Variants in RRP7A observed in about 807,000 individuals in gnomAD.
The protein encoded by RRP7A is ribosomal RNA processing 7 homolog A, also known as ribosomal RNA-processing protein 7 homolog A.
A neutral mutation model predicts 38.4 loss-of-function variants in RRP7A; 27 were observed. The ratio of observed to expected loss-of-function variants is 0.70; its 90% CI spans 0.52 to 0.97. The LOEUF (loss-of-function observed/expected upper bound fraction) is 0.97. Among genes scored for constraint, RRP7A ranks in the 50% least tolerant of loss-of-function variants. The probability of loss-of-function intolerance (pLI) is 0.00; values close to 1 mark genes in which losing one functional copy is unlikely to be tolerated. For synonymous variants in RRP7A, 124 were observed against 150.3 expected, an observed-to-expected ratio of 0.83 and a Z score of 1.28; for missense variants, 327 against 375.4, an observed-to-expected ratio of 0.87 and a Z score of 1.07.
At position 42,518,842 on chromosome 22, in the gene RRP7A, A is replaced by C. The variant is rs561004732; in HGVS notation, c.74-695T>G. 1.1e-4 allele frequency: 50 copies of C among 455,036 alleles called. No homozygotes were observed. In the East Asian group the frequency reaches 2.3e-3, roughly 21 times the overall value. 28.2% of individuals were successfully genotyped at this position (455,036 alleles called of 1,614,324 possible). On this transcript the variant is annotated intron_variant, in intron 1 of 6. Coordinates refer to ENST00000323013, the MANE Select transcript of RRP7A (RefSeq NM_015703.5). ...CCTCCGTCACAGTACCGGTTGGCGTAGAGCTGCGGTCCCTGAACTCAGGAA... is the reference window on the plus strand; with the variant it reads ...CCTCCGTCACAGTACCGGTTGGCGTCGAGCTGCGGTCCCTGAACTCAGGAA...
rs1396684777 is a variant in RRP7A at position 42,508,346 on chromosome 22, C to A, written c.*4564G>T. Among the ~76,000 whole-genome samples the A allele has an allele frequency of 2.1e-5, 3 of 145,304 alleles. No individual in the cohort carries two copies. Among genetic ancestry groups the A allele is most frequent in the Non-Finnish European group, 4.5e-5 (3 of 66,112 alleles). ...AAAAAAAAAAAAGGTTCTATAAATT[C>A]TTCTCATATTTTTATTTAACATCCA... is the stretch of plus-strand genomic sequence containing the variant. On this transcript the variant is annotated 3_prime_UTR_variant, in exon 7 of 7. Transcript: ENST00000323013.
chr22:42,508,750 C>G lies in RRP7A; in HGVS notation c.*4160G>C, dbSNP rs543459881. Among the ~76,000 whole-genome samples the G allele has an allele frequency of 2.0e-5, 3 of 152,362 alleles. No homozygotes were observed. The highest frequency in any genetic ancestry group is 4.4e-5 in the Non-Finnish European group (3 of 68,028). ...CACTTCTCTGACTTTAATCACACAG[C>G]CATACCTGGTGGCAAAGGAGTATTG... On this transcript the variant is annotated 3_prime_UTR_variant, in exon 7 of 7. Coordinates refer to ENST00000323013, the MANE Select transcript of RRP7A (RefSeq NM_015703.5).
chr22:42,518,011 G>A lies in RRP7A; in HGVS notation c.210C>T (p.Cys70=). 1 of 1,612,722 alleles carries A rather than the reference G, an allele frequency of 6.2e-7. No individual in the cohort carries two copies. Among genetic ancestry groups the A allele is most frequent in the Non-Finnish European group, 8.5e-7 (1 of 1,179,326 alleles). ...CAGACAGACACTAGCTCACCTCTGT[G>A]CAGTATGGGGGCACATTGAGGACAA... ...TLFVLNVPPY[C]TEESLSRLLS... The change falls in exon 2 of 7, where the codon TGC becomes TGT. Residue 70 remains cysteine (C), a synonymous_variant. Coordinates refer to ENST00000323013, the MANE Select transcript of RRP7A (RefSeq NM_015703.5).
intron 2 of RRP7A, 65 bp downstream of exon 2, chr22:42,517,940 G>C: frequency 1.3e-6 from 2 of 1,565,366 alleles, no homozygotes; most frequent in Non-Finnish European, 1.7e-6. Flanking sequence ...CCAAGGACTT[G>C]GTGGAGGCCA....
At position 42,519,689 on chromosome 22, in the gene RRP7A, G is replaced by A. The variant is rs761305966; in HGVS notation, c.73+25C>T. ...CTCCCGGCGATGCCTGACCGCCCCC[G>A]GTCTCGCGTCCCGGAGCCCCTCACC... On this transcript the variant is annotated intron_variant, in intron 1 of 6. Transcript: ENST00000323013. 37 of 1,440,368 alleles carry A rather than the reference G, an allele frequency of 2.6e-5. No homozygotes were observed. The African/African-American group carries it at 4.6e-4, about 18-fold the overall frequency. 89.2% of individuals were successfully genotyped at this position (1,440,368 alleles called of 1,614,324 possible).
At position 42,516,053 on chromosome 22, in the gene RRP7A, T is replaced by C. The variant is rs757397232; in HGVS notation, c.300A>G (p.Pro100=). The change falls in exon 3 of 7, where the codon CCA becomes CCG. Residue 100 remains proline (P), a synonymous_variant. Transcript: ENST00000323013. The part of the protein sequence containing the change: ...LQEKPDLAES[P]KESRSKFFHP... ...GAAAAAACTTCGACCTTGACTCCTT[T>C]GGGCTCTCAGCCAGGTCCGGCTTCT... The C allele has an allele frequency of 2.5e-6, 4 of 1,612,290 alleles. No individual in the cohort carries two copies. The highest frequency in any genetic ancestry group is 3.4e-6 in the Non-Finnish European group (4 of 1,179,004).
rs528149369 is a variant in RRP7A, at chr22:42,517,864, T to C, written c.216+141A>G. On this transcript the variant is annotated intron_variant, in intron 2 of 6. Transcript: ENST00000323013. ...ATCTTTAAAAAGCCAGTTTCCTGAC[T>C]GGAGATCACGGTAGCCCTCCTGACA... The C allele has an allele frequency of 2.5e-5, 24 of 966,248 alleles. 1 individual carries two copies. In the East Asian group the frequency reaches 5.1e-4, roughly 20 times the overall value. The allele number at this position is 966,248 out of a possible 1,614,324, so 59.9% of individuals were successfully genotyped here. A position where few individuals can be genotyped will look rare whatever the true frequency, so the allele number is the denominator to read the frequency against.
chr22:42,517,094 A>G (rs1173385683), intron 2 of RRP7A, among the ~76,000 whole-genome samples: 2 of 151,998 alleles, frequency 1.3e-5, no homozygotes, highest in African/African-American at 4.8e-5. Context: ...CCTGGCCAAC[A>G]TGGTGAAACC....
At position 42,508,536 on chromosome 22, in the gene RRP7A, G is replaced by A. The variant is rs1254269339; in HGVS notation, c.*4374C>T. ...CACAAGACAGGGCAGGCAGGGCCGC[G>A]GAGGAGGCTGGCTGGGGCCATCACG... On this transcript the variant is annotated 3_prime_UTR_variant, in exon 7 of 7. Coordinates refer to ENST00000323013, the MANE Select transcript of RRP7A (RefSeq NM_015703.5). 6.6e-6 allele frequency among the ~76,000 whole-genome samples: 1 copy of A among 152,160 alleles called. No homozygotes were observed. Among genetic ancestry groups the A allele is most frequent in the African/African-American group, 2.4e-5 (1 of 41,414 alleles).
At chr22:42,516,562 C>T (rs1920930352) in intron 2 of RRP7A, 29 of 351,624 alleles carry the variant, frequency 8.2e-5, no homozygotes, top group South Asian at 6.2e-4. Flanking sequence ...ATCCGCCCGC[C>T]TCGGCCTCCC....
intron 2 of RRP7A, 148 bp from the exon 3 acceptor site, chr22:42,516,284 C>G (rs1291264194): frequency 3.8e-6 from 4 of 1,053,220 alleles, no homozygotes; most frequent in Non-Finnish European, 5.7e-6. Flanking sequence ...CTGTGGGCAC[C>G]ATGGCCTCCG....
rs886880840 is a variant in RRP7A at position 42,511,934 on chromosome 22, C to T, written c.*976G>A. 4.4e-6 allele frequency: 3 copies of T among 676,272 alleles called. No individual in the cohort carries two copies. The Admixed American group carries it at 7.2e-5, about 16-fold the overall frequency. The allele number at this position is 676,272 out of a possible 1,614,324, so 41.9% of individuals were successfully genotyped here. On this transcript the variant is annotated 3_prime_UTR_variant, in exon 7 of 7. Transcript: ENST00000323013. Reference sequence around the variant, plus strand: ...AGGCCTCCAAGTCCCTAAGGTTAGACATCTCCTGGGGTGCTATGGACTGTC... The same window carrying T: ...AGGCCTCCAAGTCCCTAAGGTTAGATATCTCCTGGGGTGCTATGGACTGTC...
At position 42,514,183 on chromosome 22, in the gene RRP7A, T is replaced by A; in HGVS notation, c.680A>T (p.Glu227Val). The A allele has an allele frequency of 6.2e-7, 1 of 1,612,724 alleles. No individual in the cohort carries two copies. The highest frequency in any genetic ancestry group is 8.5e-7 in the Non-Finnish European group (1 of 1,179,716). ...TCGGCTGCGCTTCCGTCTCTCCCTC[T>A]CCAGCACCCGCAAGCTGGCTGCCTC... ...RTEAASLRVLERERRKRSRKE... is the reference protein window; with the variant it reads ...RTEAASLRVLVRERRKRSRKE... Residue 227 changes from glutamate (E) to valine (V), a missense_variant, in exon 6 of 7, where the codon GAG (glutamate) becomes GTG (valine). Transcript: ENST00000323013.
chr22:42,517,935 G>T (rs760170909), intron 2 of RRP7A, 70 bp downstream of exon 2: 8 of 1,532,590 alleles, frequency 5.2e-6, no homozygotes, highest in Non-Finnish European at 7.1e-6. Flanking sequence ...CACCACCAAG[G>T]ACTTGGTGGA....
In RRP7A at chr22:42,509,639, G is replaced by A. The variant is rs1192520004; in HGVS notation, c.*3271C>T. 2.0e-5 allele frequency among the ~76,000 whole-genome samples: 3 copies of A among 151,762 alleles called. No homozygotes were observed. The highest frequency in any genetic ancestry group is 2.4e-5 in the African/African-American group (1 of 41,312). ...CCACCGTGCGTGGCCCACCATAGACGATTTTTAAGCCATAAAAAGAAACGA... is the reference window on the plus strand; with the variant it reads ...CCACCGTGCGTGGCCCACCATAGACAATTTTTAAGCCATAAAAAGAAACGA... On this transcript the variant is annotated 3_prime_UTR_variant, in exon 7 of 7. Transcript: ENST00000323013.
At chr22:42,515,693 C>T (rs1210463427) in intron 3 of RRP7A, among the ~76,000 whole-genome samples, 2 of 152,120 alleles carry the variant, frequency 1.3e-5, no homozygotes, top group Non-Finnish European at 2.9e-5. Context: ...CCTGGAGACC[C>T]GGCCCCCAAG....
rs1437346387 is a variant in RRP7A, at chr22:42,514,563, G to A, written c.558+119C>T. 7.6e-6 allele frequency: 7 copies of A among 916,122 alleles called. No individual in the cohort carries two copies. The East Asian group carries it at 1.8e-4, about 24-fold the overall frequency. The allele number at this position is 916,122 out of a possible 1,614,324, so 56.7% of individuals were successfully genotyped here. On this transcript the variant is annotated intron_variant, in intron 5 of 6. Coordinates refer to ENST00000323013, the MANE Select transcript of RRP7A (RefSeq NM_015703.5). ...CAGCCCAGGATCCAGCAGGGAAACA[G>A]GGAGCCTGGCCTCTACAGAGTGGCC...
At position 42,511,931 on chromosome 22, in the gene RRP7A, A is replaced by G. The variant is rs1177113178; in HGVS notation, c.*979T>C. 1.5e-6 allele frequency: 1 copy of G among 672,764 alleles called. No individual in the cohort carries two copies. Among genetic ancestry groups the G allele is most frequent in the Non-Finnish European group, 2.7e-6 (1 of 371,742 alleles). 41.7% of individuals were successfully genotyped at this position (672,764 alleles called of 1,614,324 possible). ...GGGAGGCCTCCAAGTCCCTAAGGTT[A>G]GACATCTCCTGGGGTGCTATGGACT... On this transcript the variant is annotated 3_prime_UTR_variant, in exon 7 of 7. Coordinates refer to ENST00000323013, the MANE Select transcript of RRP7A (RefSeq NM_015703.5).
intron 2 of RRP7A, among the ~76,000 whole-genome samples, chr22:42,516,701 T>C (rs1394538301): frequency 1.3e-5 from 2 of 152,206 alleles, no homozygotes; most frequent in Non-Finnish European, 2.9e-5. Flanking sequence ...GAATCAGCAG[T>C]AGTGACCCTA....
Sources: gnomAD v4.1 joint callset for allele counts (sites outside exome capture counted in the v4.1 genomes callset) on GRCh38, gnomAD v4.1.1 for gene constraint, MANE v1.5 for transcripts, NCBI Gene and HGNC (gene_info 2026-07-23, HGNC 2026-07-21) for gene names.